LRRC47: variants seen among roughly 807,000 people sequenced by gnomAD.
LRRC47 encodes leucine rich repeat containing 47, also known as leucine-rich repeat-containing protein 47.
LRRC47 carries 31 observed loss-of-function variants against 40.9 expected under a neutral mutation model. That is an observed-to-expected ratio of 0.76 (90% confidence interval 0.57 to 1.02). The LOEUF is 1.02. LRRC47 is among the 50% of genes least tolerant of loss of function. LRRC47 has a pLI of 0.00. For synonymous variants in LRRC47, 427 were observed against 371.9 expected, an observed-to-expected ratio of 1.15 and a Z score of -1.70; for missense variants, 726 against 796.1, an observed-to-expected ratio of 0.91 and a Z score of 1.06.
chr1:3,791,660 T>C (rs946658780), intron 1 of LRRC47, among the ~76,000 whole-genome samples: 2 of 152,150 alleles, frequency 1.3e-5, no homozygotes, highest in African/African-American at 4.8e-5. Flanking sequence ...TTCTCCATGT[T>C]GGTCAGGCTG....
At chr1:3,784,991 T>TA in intron 3 of LRRC47, 96 bp downstream of exon 3, 1 of 813,780 alleles carries the variant, frequency 1.2e-6, no homozygotes, top group Non-Finnish European at 1.8e-6. Context: ...GAACTCCATC[T>TA]CCAAAAAAAA....
Position 3,796,202 on chromosome 1 carries a change from C to T in LRRC47, c.275G>A (p.Ser92Asn). ...LRRNALGPGL[S>N]PELGPLPALR... ...GGCAGGCAGCGGCCCGAGCTCGGGG[C>T]TCAGGCCGGGCCCCAGCGCGTTGCG... Residue 92 changes from serine to asparagine, a missense_variant, in exon 1 of 7, where the codon AGC becomes AAC. Coordinates refer to ENST00000378251, the MANE Select transcript of LRRC47 (RefSeq NM_020710.3). 1.4e-6 allele frequency: 2 copies of T among 1,434,130 alleles called. No homozygotes were observed. The highest frequency in any genetic ancestry group is 1.8e-6 in the Non-Finnish European group (2 of 1,100,498). The allele number at this position is 1,434,130 out of a possible 1,614,324, so 88.8% of individuals were successfully genotyped here.
Position 3,796,484 on chromosome 1 carries a change from C to T in LRRC47, c.-8G>A, listed in dbSNP as rs893666489. On this transcript the variant is annotated 5_prime_UTR_variant, in exon 1 of 7. Coordinates refer to ENST00000378251, the MANE Select transcript of LRRC47 (RefSeq NM_020710.3). ...CACCGCTGCCGCCGCCATGGCGCCT[C>T]AGCTGCTGGCAGGCACCCACCCACC... 35 of 1,502,604 alleles carry T rather than the reference C, an allele frequency of 2.3e-5. No individual in the cohort carries two copies. The highest frequency in any genetic ancestry group is 2.9e-5 in the Non-Finnish European group (33 of 1,134,558). The allele number at this position is 1,502,604 out of a possible 1,614,324, so 93.1% of individuals were successfully genotyped here.
At chr1:3,790,803 G>A (rs1421338705) in intron 1 of LRRC47, among the ~76,000 whole-genome samples, 2 of 152,242 alleles carry the variant, frequency 1.3e-5, no homozygotes, top group Non-Finnish European at 2.9e-5. Context: ...GCTCCCTGGG[G>A]AATGGCTGTG....
intron 4 of LRRC47, 88 bp downstream of exon 4, chr1:3,783,908 G>A (rs1643545334): frequency 1.8e-6 from 2 of 1,086,890 alleles, no homozygotes; most frequent in Non-Finnish European, 2.7e-6. Context: ...GCATTAGGCG[G>A]TTCCTGAGGA....
At chr1:3,792,464 CTTTT>C (rs34288803) in intron 1 of LRRC47, among the ~76,000 whole-genome samples, 1 of 142,418 alleles carries the variant, frequency 7.0e-6, no homozygotes, top group East Asian at 2.1e-4. Context: ...TGGACGCACA[CTTTT>C]TTTTTTTTTT....
intron 1 of LRRC47, among the ~76,000 whole-genome samples, chr1:3,788,244 T>C (rs903313555): frequency 6.6e-6 from 1 of 152,228 alleles, no homozygotes; most frequent in Non-Finnish European, 1.5e-5. Flanking sequence ...CCCCACAGCC[T>C]TGCCTGGGTG....
intron 4 of LRRC47, 27 bp downstream of exon 4, chr1:3,783,969 C>A (rs376822471): frequency 1.9e-6 from 3 of 1,577,110 alleles, no homozygotes; most frequent in Non-Finnish European, 2.6e-6. Flanking sequence ...CCGGGCCCGG[C>A]CCCACCCCAC....
chr1:3,784,735 C>T (rs1012635568), intron 3 of LRRC47, among the ~76,000 whole-genome samples: 1 of 152,242 alleles, frequency 6.6e-6, no homozygotes, highest in African/African-American at 2.4e-5. Flanking sequence ...GTGGCTTACG[C>T]CTGTAATCCC....
Position 3,781,247 on chromosome 1 carries a change from A to T in LRRC47, c.1593T>A (p.Leu531=), listed in dbSNP as rs1307440174. Residue 531 remains leucine, a synonymous_variant, in exon 7 of 7, where the codon CTT becomes CTA. Coordinates refer to ENST00000378251, the MANE Select transcript of LRRC47 (RefSeq NM_020710.3). ...DTEADAVSGQ[L]PDPTTNPSAG... The stretch of plus-strand genomic sequence containing the variant: ...CACTGGGATTCGTTGTGGGATCTGG[A>T]AGTTGTCCAGAGACTGCATCGGCTT... 1.2e-6 allele frequency: 2 copies of T among 1,614,212 alleles called. No homozygotes were observed. Among genetic ancestry groups the T allele is most frequent in the Admixed American group, 3.3e-5 (2 of 60,030 alleles).
intron 1 of LRRC47, among the ~76,000 whole-genome samples, chr1:3,795,180 G>C (rs1294427327): frequency 6.6e-6 from 1 of 152,172 alleles, no homozygotes; most frequent in East Asian, 1.9e-4. Context: ...CTGGGTTTAG[G>C]TCGTGGTTCT....
intron 1 of LRRC47, among the ~76,000 whole-genome samples, chr1:3,787,987 C>T (rs921263750): frequency 7.9e-5 from 12 of 152,160 alleles, no homozygotes; most frequent in Admixed American, 2.6e-4. Flanking sequence ...CCGTGGCCCA[C>T]GGGAAAGCGT....
chr1:3,782,860 T>G, intron 4 of LRRC47, 97 bp from the exon 5 acceptor site: 1 of 791,378 alleles, frequency 1.3e-6, no homozygotes, highest in Non-Finnish European at 2.2e-6. Flanking sequence ...CTCAGGAGGC[T>G]GAGACAGGAG....
In LRRC47 at chr1:3,796,269, G is replaced by C; in HGVS notation, c.208C>G (p.Leu70Val). The change falls in exon 1 of 7, where the codon CTG becomes GTG. Residue 70 changes from leucine (L) to valine (V), a missense_variant. Physicochemically the swap from Leu to Val is conservative, Grantham distance 32. Coordinates refer to ENST00000378251, the MANE Select transcript of LRRC47 (RefSeq NM_020710.3). ...CGSLRAPGPG[L>V]AQGLPQLHSL... ...TGCAGCTGCGGCAGGCCCTGCGCCA[G>C]GCCAGGCCCCGGCGCGCGCAAGCTC... 1.4e-6 allele frequency: 2 copies of C among 1,475,856 alleles called. No homozygotes were observed. The highest frequency in any genetic ancestry group is 8.9e-7 in the Non-Finnish European group (1 of 1,121,866). The allele number at this position is 1,475,856 out of a possible 1,614,324, so 91.4% of individuals were successfully genotyped here. A position where few individuals can be genotyped will look rare whatever the true frequency, so the allele number is the denominator to read the frequency against.
At chr1:3,784,555 G>C (rs1279519573) in intron 3 of LRRC47, among the ~76,000 whole-genome samples, 1 of 141,694 alleles carries the variant, frequency 7.1e-6, no homozygotes, top group African/African-American at 2.8e-5. Flanking sequence ...TGATTAAAAG[G>C]TAGTGAGCGA....
At position 3,785,109 on chromosome 1, in the gene LRRC47, G is replaced by A. The variant is rs377688317; in HGVS notation, c.1172C>T (p.Ala391Val). 3 of 1,600,404 alleles carry A rather than the reference G, an allele frequency of 1.9e-6. No homozygotes were observed. Among genetic ancestry groups the A allele is most frequent in the African/African-American group, 2.7e-5 (2 of 73,736 alleles). ...CACCTTGAGGTCCTGTGGGGGCCGG[G>A]CGCAGTACAGCAGGGGCCCTTTGAC... ...RAVKGPLLYC[A>V]RPPQDLKIVP... The change falls in exon 3 of 7, where the codon GCC (alanine) becomes GTC (valine). Residue 391 changes from alanine (A) to valine (V), a missense_variant. Transcript: ENST00000378251.
Position 3,796,485 on chromosome 1 carries a change from A to C in LRRC47, c.-9T>G. The C allele has an allele frequency of 4.7e-6, 7 of 1,502,734 alleles. No individual in the cohort carries two copies. Among genetic ancestry groups the C allele is most frequent in the Non-Finnish European group, 6.2e-6 (7 of 1,134,502 alleles). The allele number at this position is 1,502,734 out of a possible 1,614,324, so 93.1% of individuals were successfully genotyped here. On this transcript the variant is annotated 5_prime_UTR_variant, in exon 1 of 7. Coordinates refer to ENST00000378251, the MANE Select transcript of LRRC47 (RefSeq NM_020710.3). ...ACCGCTGCCGCCGCCATGGCGCCTCAGCTGCTGGCAGGCACCCACCCACCA... is the reference window on the plus strand; with the variant it reads ...ACCGCTGCCGCCGCCATGGCGCCTCCGCTGCTGGCAGGCACCCACCCACCA...
At position 3,786,806 on chromosome 1, in the gene LRRC47, A is replaced by C. The variant is rs113681554; in HGVS notation, c.1077+43T>G. On this transcript the variant is annotated intron_variant, in intron 2 of 6. Coordinates refer to ENST00000378251, the MANE Select transcript of LRRC47 (RefSeq NM_020710.3). ...GATGTGTCCCAGCTTGCGGCGTCTC[A>C]CACCTCTGTCCCAGTCATCTGAGGA... 6 of 1,510,130 alleles carry C rather than the reference A, an allele frequency of 4.0e-6. No homozygotes were observed. The South Asian group carries it at 7.7e-5, about 19-fold the overall frequency. 93.5% of individuals were successfully genotyped at this position (1,510,130 alleles called of 1,614,324 possible). A position where few individuals can be genotyped will look rare whatever the true frequency, so the allele number is the denominator to read the frequency against.
intron 4 of LRRC47, 103 bp from the exon 5 acceptor site, chr1:3,782,866 AG>A: frequency 1.3e-6 from 1 of 757,166 alleles, no homozygotes; most frequent in Admixed American, 1.9e-5. Context: ...AGGCTGAGAC[AG>A]GAGGGCTGCA....
Sources: gnomAD v4.1 joint callset for allele counts (sites outside exome capture counted in the v4.1 genomes callset) on GRCh38, gnomAD v4.1.1 for gene constraint, MANE v1.5 for transcripts, NCBI Gene and HGNC (gene_info 2026-07-23, HGNC 2026-07-21) for gene names.